The following MCC variants were observed in gnomAD, a reference collection of about 807,000 sequenced individuals.
MCC encodes colorectal mutant cancer protein.
MCC carries 90 observed loss-of-function variants against 116.2 expected under a neutral mutation model. The observed-to-expected ratio is 0.77, with a 90% CI of 0.65 to 0.92. The LOEUF is 0.92. MCC is among the 40% of genes least tolerant of loss of function. The pLI is 0.00. For missense variants in MCC, 1,516 were observed against 1,312.2 expected, an observed-to-expected ratio of 1.16 and a Z score of -2.40; for synonymous variants, 578 against 510.5, an observed-to-expected ratio of 1.13 and a Z score of -1.78.
At chr5:113,069,396 G>T (rs1446138719) in intron 12 of MCC, among the ~76,000 whole-genome samples, 2 of 152,212 alleles carry the variant, frequency 1.3e-5, no homozygotes, top group African/African-American at 4.8e-5. Flanking sequence ...TGAGACCCAC[G>T]TGGCCCACGT....
In MCC at chr5:113,122,538, T is replaced by C. The variant is rs994055821; in HGVS notation, c.1027+146A>G. The C allele has an allele frequency of 3.7e-6, 3 of 818,824 alleles. No homozygotes were observed. In the African/African-American group the frequency reaches 5.2e-5, roughly 14 times the overall value. 50.7% of individuals were successfully genotyped at this position (818,824 alleles called of 1,614,324 possible). A position where few individuals can be genotyped will look rare whatever the true frequency, so the allele number is the denominator to read the frequency against. On this transcript the variant is annotated intron_variant, in intron 6 of 18. Transcript: ENST00000408903. ...CCATTTTGACCAACAAAGTAATGTG[T>C]AAGGGACTGAAATACATGTGACTTC...
intron 1 of MCC, among the ~76,000 whole-genome samples, chr5:113,448,902 A>C (rs1347615708): frequency 2.0e-5 from 3 of 152,198 alleles, no homozygotes; most frequent in African/African-American, 7.2e-5. Context: ...TATTTTATTT[A>C]TTCCTCTCAG....
Position 113,085,276 on chromosome 5 carries a change from T to C in MCC, c.1433A>G (p.Gln478Arg), listed in dbSNP as rs377118085. 56 of 1,613,988 alleles carry C rather than the reference T, an allele frequency of 3.5e-5. No homozygotes were observed. Among genetic ancestry groups the C allele is most frequent in the Non-Finnish European group, 4.7e-5 (55 of 1,179,984 alleles). ...RELQTRLQSV[Q>R]ATGPSSPGRL... ...GCCAGGGCTGGAGGGACCTGTGGCC[T>C]GCACGCTCTGTAGTCGAGTTTGAAG... is the stretch of plus-strand genomic sequence containing the variant. Residue 478 changes from glutamine to arginine, a missense_variant, in exon 9 of 19, where the codon CAG becomes CGG. Transcript: ENST00000408903.
At chr5:113,098,443 AAATG>A (rs1319842551) in intron 8 of MCC, among the ~76,000 whole-genome samples, 8 of 152,218 alleles carry the variant, frequency 5.3e-5, no homozygotes, top group African/African-American at 1.7e-4. Context: ...CACGTTTGTG[AAATG>A]AATGAATGAA....
chr5:113,132,477 CAT>C lies in MCC; in HGVS notation c.885-9653_885-9652del, dbSNP rs1361735364. 6.9e-4 allele frequency among the ~76,000 whole-genome samples: 96 copies of C among 138,244 alleles called. 3 individuals carry two copies. Among genetic ancestry groups the C allele is most frequent in the African/African-American group, 2.6e-3 (91 of 34,356 alleles). The allele number at this position is 138,244 out of a possible 152,430, so 90.7% of individuals were successfully genotyped here. On this transcript the variant is annotated intron_variant, in intron 5 of 18. Coordinates refer to ENST00000408903, the MANE Select transcript of MCC (RefSeq NM_001085377.2). ...ACACACACACACACACACACACACA[CAT>C]ACATATATATATACAAGCAAGAAAA...
chr5:113,430,634 T>C (rs1272678126), intron 1 of MCC, among the ~76,000 whole-genome samples: 1 of 152,142 alleles, frequency 6.6e-6, no homozygotes, highest in African/African-American at 2.4e-5. Context: ...AAAGCATGTA[T>C]ATGAGAGGTA....
chr5:113,462,488 T>TGACAGTATC (rs922764471), intron 1 of MCC, among the ~76,000 whole-genome samples: 1 of 152,096 alleles, frequency 6.6e-6, no homozygotes, highest in African/African-American at 2.4e-5. Flanking sequence ...TTAACAGTAT[T>TGACAGTATC]GTATAGCTAT....
chr5:113,388,004 C>T (rs759116216), intron 1 of MCC, among the ~76,000 whole-genome samples: 3 of 152,290 alleles, frequency 2.0e-5, no homozygotes, highest in African/African-American at 7.2e-5. Context: ...AGAGGCCCAC[C>T]CTTCCTCCCT....
intron 17 of MCC, among the ~76,000 whole-genome samples, chr5:113,029,747 A>G (rs1750826117): frequency 6.6e-6 from 1 of 152,118 alleles, no homozygotes; most frequent in Non-Finnish European, 1.5e-5. Flanking sequence ...TCTAATTCCC[A>G]CAAGACCCAG....
intron 3 of MCC, among the ~76,000 whole-genome samples, chr5:113,223,803 T>C (rs1763638044): frequency 6.6e-6 from 1 of 152,172 alleles, no homozygotes; most frequent in African/African-American, 2.4e-5. Flanking sequence ...TTCTGTTACC[T>C]GGCTAGAGAT....
chr5:113,345,433 A>G (rs558433677), intron 2 of MCC, among the ~76,000 whole-genome samples: 1 of 152,292 alleles, frequency 6.6e-6, no homozygotes, highest in East Asian at 1.9e-4. Context: ...GTAGCCACAT[A>G]GTGGTTACAG....
chr5:113,237,268 T>C (rs1464094925), intron 3 of MCC, among the ~76,000 whole-genome samples: 1 of 152,216 alleles, frequency 6.6e-6, no homozygotes, highest in African/African-American at 2.4e-5. Flanking sequence ...GTGAACATTT[T>C]ACTTCTACTT....
chr5:113,082,615 G>T (rs1754936813), intron 11 of MCC, among the ~76,000 whole-genome samples: 1 of 152,222 alleles, frequency 6.6e-6, no homozygotes, highest in Admixed American at 6.5e-5. Context: ...GAGCAGTGAA[G>T]CAAGTATGGC....
chr5:113,373,561 G>T (rs1768893721), intron 2 of MCC, among the ~76,000 whole-genome samples: 1 of 152,118 alleles, frequency 6.6e-6, no homozygotes, highest in Non-Finnish European at 1.5e-5. Flanking sequence ...AGAATGGGGT[G>T]GGGGAAGGTT....
chr5:113,473,523 CAAAACA>C lies in MCC; in HGVS notation c.170+14716_170+14721del, dbSNP rs964322288. Among the ~76,000 whole-genome samples the C allele has an allele frequency of 7.9e-5, 12 of 152,008 alleles. No homozygotes were observed. In the South Asian group the frequency reaches 8.3e-4, roughly 11 times the overall value. ...TGGATGACAGAGCAAGACCCTTTCT[CAAAACA>C]AAAACAAAAACAAAAACAAAACAAA... On this transcript the variant is annotated intron_variant, in intron 1 of 18. Transcript: ENST00000408903.
intron 3 of MCC, among the ~76,000 whole-genome samples, chr5:113,327,565 T>A (rs61604782): frequency 0.05 from 4,000 of 79,642 alleles, 269 homozygotes; most frequent in African/African-American, 0.17. Context: ...AAAAAAAATA[T>A]ATATATATAT....
At chr5:113,071,392 A>AT (rs1754032126) in intron 11 of MCC, among the ~76,000 whole-genome samples, 158 bp from the exon 12 acceptor site, 1 of 152,230 alleles carries the variant, frequency 6.6e-6, no homozygotes, top group Admixed American at 6.5e-5. Flanking sequence ...AACTCTACAT[A>AT]AAAGTATCAC....
intron 3 of MCC, among the ~76,000 whole-genome samples, chr5:113,172,378 A>G (rs1581198774): frequency 6.6e-6 from 1 of 152,230 alleles, no homozygotes; most frequent in Admixed American, 6.5e-5. Flanking sequence ...CTTCATTTGC[A>G]TAGAGAACAA....
rs766865220 is a variant in MCC at position 113,043,554 on chromosome 5, G to A, written c.2732C>T (p.Ala911Val). 1.1e-5 allele frequency: 17 copies of A among 1,613,970 alleles called. No individual in the cohort carries two copies. In the Middle Eastern group the frequency reaches 4.9e-4, roughly 47 times the overall value. ...CCGACGAATGGCGTTGGTGAACTCC[G>A]CAGCCAGCTCATTCTCGCTGCACGT... ...RTTCSENELA[A>V]EFTNAIRREK... Residue 911 changes from alanine (A) to valine (V), a missense_variant, in exon 17 of 19, where the codon GCG becomes GTG. Physicochemically the swap from Ala to Val is moderately conservative, Grantham distance 64. Transcript: ENST00000408903.
Sources: allele counts gnomAD v4.1 joint callset (sites outside exome capture counted in the v4.1 genomes callset), GRCh38; gene constraint gnomAD v4.1.1; transcripts MANE v1.5; gene names NCBI Gene and HGNC (gene_info 2026-07-23, HGNC 2026-07-21).